The following UNC5A variants were observed in gnomAD, a reference collection of about 807,000 sequenced individuals.
UNC5A encodes netrin receptor UNC5A.
In UNC5A, 20 loss-of-function variants were observed where a neutral mutation model predicts 87.4. The observed-to-expected ratio is 0.23, with a 90% CI of 0.16 to 0.33. The LOEUF (loss-of-function observed/expected upper bound fraction) is 0.33, where lower values mean the gene tolerates loss of function less well. UNC5A is among the 10% of genes least tolerant of loss of function. The pLI is 1.00. For missense variants in UNC5A, 844 were observed against 1,133.4 expected (o/e 0.74, Z 3.67); for synonymous variants, 438 against 482.3 (o/e 0.91, Z 1.20).
At chr5:176,846,981 C>G (rs1220833397) in intron 1 of UNC5A, among the ~76,000 whole-genome samples, 1 of 152,198 alleles carries the variant, frequency 6.6e-6, no homozygotes, top group Non-Finnish European at 1.5e-5. Context: ...ATGCTCTGCC[C>G]TCCCAGAGCT....
intron 6 of UNC5A, among the ~76,000 whole-genome samples, 156 bp from the exon 7 acceptor site, chr5:176,873,812 G>C (rs1002504191): frequency 1.3e-5 from 2 of 152,164 alleles, no homozygotes. Context: ...GGATGCACAC[G>C]CACGGACTCC....
At chr5:176,876,850 G>T (rs917799711) in intron 8 of UNC5A, among the ~76,000 whole-genome samples, 1 of 152,202 alleles carries the variant, frequency 6.6e-6, no homozygotes, top group Non-Finnish European at 1.5e-5. Flanking sequence ...TCATCCGGGG[G>T]CAGGGAAGGT....
Position 176,841,346 on chromosome 5 carries a change from G to A in UNC5A, c.71-21278G>A, listed in dbSNP as rs1248946838. Among the ~76,000 whole-genome samples the A allele has an allele frequency of 1.3e-5, 2 of 152,182 alleles. No individual in the cohort carries two copies. The highest frequency in any genetic ancestry group is 4.8e-5 in the African/African-American group (2 of 41,442). On this transcript the variant is annotated intron_variant, in intron 1 of 14. Coordinates refer to ENST00000329542, the MANE Select transcript of UNC5A (RefSeq NM_133369.3). This position sits in a 1 kb window ranked among gnomAD's most constrained non-coding sequence, Gnocchi z 4.1. Reference sequence around the variant, plus strand: ...CTCAGCTCCCAGCTTCCAGATCAGAGCTGTGCCCACCACCCCAGAGCTGCA... The same window carrying A: ...CTCAGCTCCCAGCTTCCAGATCAGAACTGTGCCCACCACCCCAGAGCTGCA...
intron 1 of UNC5A, among the ~76,000 whole-genome samples, chr5:176,827,669 G>A (rs549136377): frequency 6.6e-6 from 1 of 152,188 alleles, no homozygotes; most frequent in East Asian, 1.9e-4. Context: ...ATACACCTAG[G>A]AGTGGAATTG....
At chr5:176,817,532 T>C (rs1756620134) in intron 1 of UNC5A, among the ~76,000 whole-genome samples, 1 of 152,080 alleles carries the variant, frequency 6.6e-6, no homozygotes, top group African/African-American at 2.4e-5. Context: ...GCCAGTGGTT[T>C]TTCCCAGCTC....
rs538376432 is a variant in UNC5A, at chr5:176,869,428, G to A, written c.721+464G>A. On this transcript the variant is annotated intron_variant, in intron 5 of 14. Coordinates refer to ENST00000329542, the MANE Select transcript of UNC5A (RefSeq NM_133369.3). The surrounding 1 kb of genome is among the most constrained non-coding windows in gnomAD (Gnocchi z 9.1). ...CCCTGGGAGAAGGGAAGACTGTGGC[G>A]TGCGTGCTGCAGGGCCCGGGGGCCA... is the stretch of plus-strand genomic sequence containing the variant. Among the ~76,000 whole-genome samples, 3 of 152,218 alleles carry A rather than the reference G, an allele frequency of 2.0e-5. No homozygotes were observed. Among genetic ancestry groups the A allele is most frequent in the South Asian group, 2.1e-4 (1 of 4,830 alleles).
At position 176,847,752 on chromosome 5, in the gene UNC5A, T is replaced by A. The variant is rs114920430; in HGVS notation, c.71-14872T>A. 6.5e-3 allele frequency among the ~76,000 whole-genome samples: 996 copies of A among 152,212 alleles called. 12 individuals carry two copies. The highest frequency in any genetic ancestry group is 0.023 in the African/African-American group (942 of 41,514). On this transcript the variant is annotated intron_variant, in intron 1 of 14. Coordinates refer to ENST00000329542, the MANE Select transcript of UNC5A (RefSeq NM_133369.3). ...AAGATTTAAATATTCATGCAATTAT[T>A]AGTGATTTATTAAGAGCCAATGACC... is the stretch of plus-strand genomic sequence containing the variant.
At chr5:176,813,552 G>T (rs893119643) in intron 1 of UNC5A, among the ~76,000 whole-genome samples, 47 of 152,180 alleles carry the variant, frequency 3.1e-4, no homozygotes, top group Non-Finnish European at 1.3e-4. Flanking sequence ...TCCCAGGGGA[G>T]AGCTGGTCCT....
Position 176,869,052 on chromosome 5 carries a change from T to C in UNC5A, c.721+88T>C. The C allele has an allele frequency of 7.0e-7, 1 of 1,428,148 alleles. No individual in the cohort carries two copies. The highest frequency in any genetic ancestry group is 9.4e-7 in the Non-Finnish European group (1 of 1,068,858). The allele number at this position is 1,428,148 out of a possible 1,614,324, so 88.5% of individuals were successfully genotyped here. A position where few individuals can be genotyped will look rare whatever the true frequency, so the allele number is the denominator to read the frequency against. ...TGGCTGGTGGGGTGAAGAGAGGCCA[T>C]GAGGCCAAAGCCAGGTGGACCAGAT... On this transcript the variant is annotated intron_variant, in intron 5 of 14. Transcript: ENST00000329542. The surrounding 1 kb of genome is among the most constrained non-coding windows in gnomAD (Gnocchi z 9.1).
intron 1 of UNC5A, among the ~76,000 whole-genome samples, chr5:176,860,107 G>T (rs1255965319): frequency 6.6e-6 from 1 of 152,208 alleles, no homozygotes; most frequent in Admixed American, 6.5e-5. Context: ...CCCAGCCAGG[G>T]ACCCCTGCCC....
chr5:176,860,832 G>T (rs1757818874), intron 1 of UNC5A, among the ~76,000 whole-genome samples: 1 of 152,224 alleles, frequency 6.6e-6, no homozygotes, highest in South Asian at 2.1e-4. Context: ...GAACATGCGG[G>T]GGGCAGTTGC....
At position 176,874,713 on chromosome 5, in the gene UNC5A, C is replaced by G. The variant is rs1758219269; in HGVS notation, c.1378+147C>G. ...AGTTTTGGGGAGAACCCAGTCTTGG[C>G]TGGCACCGAGGCCGTGGCCAGAGCT... On this transcript the variant is annotated intron_variant, in intron 8 of 14. Transcript: ENST00000329542. This position sits in a 1 kb window ranked among gnomAD's most constrained non-coding sequence, Gnocchi z 7.6. 1.0e-6 allele frequency: 1 copy of G among 960,132 alleles called. No individual in the cohort carries two copies. 59.5% of individuals were successfully genotyped at this position (960,132 alleles called of 1,614,324 possible).
rs1199061278 is a variant in UNC5A, at chr5:176,824,029, C to T, written c.70+13209C>T. Among the ~76,000 whole-genome samples the T allele has an allele frequency of 3.3e-5, 5 of 152,190 alleles. No individual in the cohort carries two copies. Among genetic ancestry groups the T allele is most frequent in the South Asian group, 4.1e-4 (2 of 4,838 alleles). The stretch of plus-strand genomic sequence containing the variant: ...TGGAGAAAGCACCTGTCCCAGCTGG[C>T]GAATGGTCCCGGAGATCCTGGGCAC... On this transcript the variant is annotated intron_variant, in intron 1 of 14. Transcript: ENST00000329542. This position sits in a 1 kb window ranked among gnomAD's most constrained non-coding sequence, Gnocchi z 4.2.
rs1581282905 is a variant in UNC5A, at chr5:176,878,737, C to T, written c.2184+98C>T. The T allele has an allele frequency of 2.0e-5, 29 of 1,458,656 alleles. No individual in the cohort carries two copies. In the East Asian group the frequency reaches 6.6e-4, roughly 33 times the overall value. 90.4% of individuals were successfully genotyped at this position (1,458,656 alleles called of 1,614,324 possible). On this transcript the variant is annotated intron_variant, in intron 13 of 14. Transcript: ENST00000329542. ...CCTGCCCTGCCTGCCCTGCCACCCA[C>T]TCTCCCTCCCGCCTGTCCCCAGGCC...
chr5:176,832,177 G>A (rs372485436), intron 1 of UNC5A, among the ~76,000 whole-genome samples: 2 of 152,158 alleles, frequency 1.3e-5, no homozygotes, highest in East Asian at 3.9e-4. Context: ...GATTGCAGGC[G>A]TGCGCCACCA....
At chr5:176,873,872 G>A in intron 6 of UNC5A, 96 bp from the exon 7 acceptor site, 1 of 1,341,464 alleles carries the variant, frequency 7.5e-7, no homozygotes, top group Non-Finnish European at 1.0e-6. Flanking sequence ...GATGCCCCGG[G>A]GTGCAGACCT....
chr5:176,819,391 A>G (rs1756673224), intron 1 of UNC5A, among the ~76,000 whole-genome samples: 1 of 152,184 alleles, frequency 6.6e-6, no homozygotes, highest in South Asian at 2.1e-4. Flanking sequence ...AACGAAGAAG[A>G]AGGAGACCAT....
intron 1 of UNC5A, among the ~76,000 whole-genome samples, chr5:176,843,583 T>C (rs756556448): frequency 2.2e-4 from 34 of 152,354 alleles, no homozygotes; most frequent in Middle Eastern, 3.4e-3. Context: ...ATTTTATGCT[T>C]TAAGAAAAAC....
chr5:176,817,943 CCCGCCCGCGG>C (rs1756633869), intron 1 of UNC5A, among the ~76,000 whole-genome samples: 1 of 152,168 alleles, frequency 6.6e-6, no homozygotes, highest in African/African-American at 2.4e-5. Context: ...CGCCCGCCAG[CCCGCCCGCGG>C]CCGCCCGCCG....
Sources: allele counts gnomAD v4.1 joint callset (sites outside exome capture counted in the v4.1 genomes callset), GRCh38; gene constraint gnomAD v4.1.1; non-coding constraint Gnocchi (gnomAD v3.1); transcripts MANE v1.5; gene names NCBI Gene and HGNC (gene_info 2026-07-23, HGNC 2026-07-21).